CPS1: variants seen among roughly 807,000 people sequenced by gnomAD.
The protein encoded by CPS1 is carbamoyl-phosphate synthase 1.
Under a neutral mutation model 174.6 loss-of-function variants are expected in CPS1, and 109 were observed. The observed-to-expected ratio is 0.62, with a 90% CI of 0.53 to 0.73. The LOEUF (loss-of-function observed/expected upper bound fraction) is 0.73, where lower values mean the gene tolerates loss of function less well. Ranked by LOEUF, CPS1 falls within the 30% of genes least tolerant of loss-of-function variation. The probability of loss-of-function intolerance (pLI) is 0.00; values close to 1 mark genes in which losing one functional copy is unlikely to be tolerated. For missense variants in CPS1, 1,689 were observed against 1,821.9 expected (o/e 0.93, Z 1.33); for synonymous variants, 637 against 632.0 (o/e 1.01, Z -0.12).
upstream of CPS1, chr2:210,555,698 A>T (rs917547570): frequency 4.4e-6 from 2 of 455,470 alleles, no homozygotes; most frequent in South Asian, 1.6e-5. Context: ...TTGCAAGGGT[A>T]TCAAAGAACA....
At chr2:210,547,077 G>C (rs1200492701) in intron 1 of CPS1, among the ~76,000 whole-genome samples, 1 of 152,052 alleles carries the variant, frequency 6.6e-6, no homozygotes, top group African/African-American at 2.4e-5. Context: ...ATCTTGGCCT[G>C]TTACTAGCGC....
Position 210,637,699 on chromosome 2 carries a change from T to A in CPS1, c.2688-3T>A. On this transcript the variant is annotated splice_polypyrimidine_tract_variant and splice_region_variant and intron_variant, in intron 21 of 37. Transcript: ENST00000233072. ...TGAATCTCTCTTTTCTATTAAATCC[T>A]AGTGAGTCCATGACAGAAGAAACCC... 6.2e-7 allele frequency: 1 copy of A among 1,613,970 alleles called. No homozygotes were observed. The highest frequency in any genetic ancestry group is 8.5e-7 in the Non-Finnish European group (1 of 1,179,854).
At chr2:210,521,276 AT>A (rs1371120105) in intron 1 of CPS1, among the ~76,000 whole-genome samples, 7 of 151,852 alleles carry the variant, frequency 4.6e-5, no homozygotes, top group Non-Finnish European at 7.4e-5. Context: ...TTTATCCTTA[AT>A]CCTTAATCAT....
chr2:210,480,102 A>G (rs1202134097), intron 1 of CPS1, among the ~76,000 whole-genome samples: 1 of 152,182 alleles, frequency 6.6e-6, no homozygotes. Context: ...GATTTGCTCC[A>G]TGTGGCCATT....
At chr2:210,593,702 T>C (rs1698386372) in intron 11 of CPS1, 1 of 949,180 alleles carries the variant, frequency 1.1e-6, no homozygotes, top group African/African-American at 1.8e-5. Flanking sequence ...ATAAGAGCTT[T>C]CTTTCTGCAA....
At position 210,511,003 on chromosome 2, in the gene CPS1, T is replaced by C. The variant is rs541905645; in HGVS notation, c.3+33237T>C. Among the ~76,000 whole-genome samples, 571 of 150,868 alleles carry C rather than the reference T, an allele frequency of 3.8e-3. 1 individual carries two copies. Among genetic ancestry groups the C allele is most frequent in the Non-Finnish European group, 6.6e-3 (447 of 67,636 alleles). ...CCTCAGGGATCTAGAACTAGAAATA[T>C]CGTTTGACCCAGCCATCCCATTACT... On this transcript the variant is annotated intron_variant, in intron 1 of 38. Coordinates refer to the CPS1 transcript ENST00000430249.
chr2:210,618,560 C>T (rs530810052), intron 21 of CPS1: 8 of 152,088 alleles, frequency 5.3e-5, no homozygotes, highest in South Asian at 4.2e-4. Context: ...CATTGATGCA[C>T]GCATAGCAAT....
rs1553502814 is a variant in CPS1 at position 210,512,879 on chromosome 2, G to GAGAGAT, written c.3+35114_3+35115insGAGATA. Reference sequence around the variant, plus strand: ...ATATATATAGATATATATATATAGAGATATATATATGGAGATATATATATA... The same window carrying GAGAGAT: ...ATATATATAGATATATATATATAGAGAGAGATATATATATATGGAGATATATATATA... On this transcript the variant is annotated intron_variant, in intron 1 of 38. Coordinates refer to the CPS1 transcript ENST00000430249. Among the ~76,000 whole-genome samples the GAGAGAT allele has an allele frequency of 1.0e-4, 7 of 70,324 alleles. 1 individual carries two copies. In the East Asian group the frequency reaches 2.1e-3, roughly 21 times the overall value. 46.1% of individuals were successfully genotyped at this position (70,324 alleles called of 152,430 possible).
intron 6 of CPS1, among the ~76,000 whole-genome samples, chr2:210,585,796 A>G (rs557341016): frequency 1.4e-4 from 22 of 152,014 alleles, no homozygotes; most frequent in African/African-American, 5.1e-4. Context: ...AAGAATTTTA[A>G]ATCAGAAATG....
Position 210,627,625 on chromosome 2 carries a change from C to A in CPS1, c.2688-10077C>A, listed in dbSNP as rs574818976. Among the ~76,000 whole-genome samples, 188 of 152,254 alleles carry A rather than the reference C, an allele frequency of 1.2e-3. 2 individuals are homozygous for A. The highest frequency in any genetic ancestry group is 4.2e-3 in the African/African-American group (176 of 41,554). ...CAAAGACTATAAGGCAGCGACCATG[C>A]CTCCTAACAGTGGAGTAAATACCCG... On this transcript the variant is annotated intron_variant, in intron 21 of 37. Transcript: ENST00000233072.
intron 1 of CPS1, among the ~76,000 whole-genome samples, chr2:210,517,540 T>C (rs1328056050): frequency 1.3e-5 from 2 of 151,980 alleles, no homozygotes; most frequent in Non-Finnish European, 2.9e-5. Flanking sequence ...GGGAAATCAA[T>C]GTGGCTTTGT....
At chr2:210,616,681 C>G in intron 21 of CPS1, 140 bp downstream of exon 21, 1 of 692,872 alleles carries the variant, frequency 1.4e-6, no homozygotes, top group South Asian at 1.6e-5. Flanking sequence ...GTACCCGTAG[C>G]CAGAAGACAA....
At chr2:210,531,258 C>T (rs190256686) in intron 1 of CPS1, among the ~76,000 whole-genome samples, 7 of 152,152 alleles carry the variant, frequency 4.6e-5, no homozygotes, top group Admixed American at 3.9e-4. Context: ...AAAGTACGAG[C>T]TCTGGAGAAC....
chr2:210,555,124 A>G (rs1696868968), upstream of CPS1, among the ~76,000 whole-genome samples: 4 of 152,154 alleles, frequency 2.6e-5, no homozygotes, highest in South Asian at 8.3e-4. Flanking sequence ...ATGATATGGT[A>G]CCTTTTCATT....
rs375308343 is a variant in CPS1, at chr2:210,675,067, A to T, written c.4161+106A>T. On this transcript the variant is annotated intron_variant, in intron 35 of 37. Coordinates refer to ENST00000233072, the MANE Select transcript of CPS1 (RefSeq NM_001875.5). ...AAATAGCCCAAAATATGTCCTTTTG[A>T]TATGAAAGGTTTAACTAACTTGGTA... is the stretch of plus-strand genomic sequence containing the variant. The T allele has an allele frequency of 3.6e-5, 32 of 893,306 alleles. 1 individual carries two copies. In the African/African-American group the frequency reaches 4.3e-4, roughly 12 times the overall value. 55.3% of individuals were successfully genotyped at this position (893,306 alleles called of 1,614,324 possible). A position where few individuals can be genotyped will look rare whatever the true frequency, so the allele number is the denominator to read the frequency against.
chr2:210,650,389 C>G lies in CPS1; in HGVS notation c.3431C>G (p.Ser1144Cys). The G allele has an allele frequency of 6.2e-7, 1 of 1,613,622 alleles. No homozygotes were observed. The change falls in exon 28 of 38, where the codon TCT becomes TGT. Residue 1144 changes from serine to cysteine, a missense_variant. Ser to Cys is a moderately radical substitution (Grantham distance 112, BLOSUM62 -1). Coordinates refer to ENST00000233072, the MANE Select transcript of CPS1 (RefSeq NM_001875.5). The stretch of plus-strand genomic sequence containing the variant: ...GGGTCTGCTATGAATGTGGTATTCT[C>G]TGAGGATGAGATGAAAAAATTCCTA... ...LSGSAMNVVF[S>C]EDEMKKFLEE... is the part of the protein sequence containing the mutation.
At chr2:210,579,084 GA>G (rs898302589) in intron 4 of CPS1, among the ~76,000 whole-genome samples, 4 of 150,736 alleles carry the variant, frequency 2.7e-5, no homozygotes, top group Non-Finnish European at 4.4e-5. Flanking sequence ...ATTAGTGGAA[GA>G]AAAAAAAACT....
chr2:210,607,849 G>A (rs1698971818), intron 18 of CPS1, among the ~76,000 whole-genome samples: 1 of 151,860 alleles, frequency 6.6e-6, no homozygotes, highest in Non-Finnish European at 1.5e-5. Context: ...TGTTAGTTTT[G>A]TAAGGAGCCC....
At chr2:210,508,470 T>G (rs1184446352) in intron 1 of CPS1, among the ~76,000 whole-genome samples, 1 of 151,740 alleles carries the variant, frequency 6.6e-6, no homozygotes, top group African/African-American at 2.4e-5. Context: ...TTAAAAGAAC[T>G]AGAGAAGCAA....
Sources: gnomAD v4.1 joint callset for allele counts (sites outside exome capture counted in the v4.1 genomes callset) on GRCh38, gnomAD v4.1.1 for gene constraint, MANE v1.5 for transcripts, NCBI Gene and HGNC (gene_info 2026-07-23, HGNC 2026-07-21) for gene names.